The following SLC9A3 variants were observed in gnomAD, a reference collection of about 807,000 sequenced individuals.
SLC9A3 encodes sodium/hydrogen exchanger 3.
A neutral mutation model predicts 86.8 loss-of-function variants in SLC9A3; 37 were observed. That is an observed-to-expected ratio of 0.43 (90% CI 0.33 to 0.56). The LOEUF (loss-of-function observed/expected upper bound fraction) is 0.56. SLC9A3 is among the 20% of genes least tolerant of loss of function. The pLI, the probability that SLC9A3 is intolerant of heterozygous loss-of-function variation, is 0.06. For missense variants in SLC9A3, 1,011 were observed against 1,171.9 expected, an observed-to-expected ratio of 0.86 and a Z score of 2.00; for synonymous variants, 581 against 528.3, an observed-to-expected ratio of 1.10 and a Z score of -1.37.
In SLC9A3 at chr5:476,027, C is replaced by A; in HGVS notation, c.2133G>T (p.Lys711Asn). Residue 711 changes from lysine (K) to asparagine (N), a missense_variant, in exon 14 of 17, where the codon AAG becomes AAT. Around this residue, in one of 3 missense-constraint regions of SLC9A3, gnomAD observed 397 missense variants for 346.3 expected, o/e 1.15. Transcript: ENST00000264938. ...GCAGGGCCCCCAGCGCACCTTTCTC[C>A]TTGATGGTGAAATTCTGCGCAGGGC... ...MESPAQNFTI[K>N]EKDLELSDTE... 1.9e-6 allele frequency: 3 copies of A among 1,612,222 alleles called. No individual in the cohort carries two copies. The highest frequency in any genetic ancestry group is 2.5e-6 in the Non-Finnish European group (3 of 1,179,424).
At chr5:523,648 G>A (rs1185940403) in intron 1 of SLC9A3, among the ~76,000 whole-genome samples, 1 of 151,420 alleles carries the variant, frequency 6.6e-6, no homozygotes, top group Non-Finnish European at 1.5e-5. Flanking sequence ...GGAACGCTGC[G>A]CCTGTAGGGA....
chr5:500,511 TG>T, intron 1 of SLC9A3, among the ~76,000 whole-genome samples: 1 of 143,786 alleles, frequency 7.0e-6, no homozygotes. Flanking sequence ...CCAGTGTAGA[TG>T]GGGCCAGTGT....
chr5:476,768 G>A (rs1470002606), intron 11 of SLC9A3, 96 bp from the exon 12 acceptor site: 2 of 1,476,422 alleles, frequency 1.4e-6, no homozygotes, highest in Admixed American at 1.8e-5. Flanking sequence ...GGCCCTGGCT[G>A]CCTCCTGCGT....
At chr5:522,988 G>A (rs1733928206) in intron 1 of SLC9A3, among the ~76,000 whole-genome samples, 1 of 152,164 alleles carries the variant, frequency 6.6e-6, no homozygotes, top group Admixed American at 6.5e-5. Context: ...GACAGCCTGA[G>A]CCTGGAGAGC....
chr5:512,016 G>A (rs1733562414), intron 1 of SLC9A3, among the ~76,000 whole-genome samples: 2 of 152,348 alleles, frequency 1.3e-5, no homozygotes, highest in South Asian at 4.1e-4. Flanking sequence ...TGAGAAGGCT[G>A]CACGCTATAG....
chr5:487,926 C>A (rs1213499941), intron 3 of SLC9A3, among the ~76,000 whole-genome samples: 4 of 152,182 alleles, frequency 2.6e-5, no homozygotes, highest in African/African-American at 9.7e-5. Context: ...CCTCGGCCTC[C>A]CAAAGTGCTG....
At position 524,362 on chromosome 5, in the gene SLC9A3, G is replaced by C. The variant is rs1554001503; in HGVS notation, c.-40C>G. 1 of 955,182 alleles carries C rather than the reference G, an allele frequency of 1.0e-6. No homozygotes were observed. The highest frequency in any genetic ancestry group is 1.3e-6 in the Non-Finnish European group (1 of 754,972). The allele number at this position is 955,182 out of a possible 1,614,324, so 59.2% of individuals were successfully genotyped here. A position where few individuals can be genotyped will look rare whatever the true frequency, so the allele number is the denominator to read the frequency against. On this transcript the variant is annotated 5_prime_UTR_variant, in exon 1 of 17. Transcript: ENST00000264938. The stretch of plus-strand genomic sequence containing the variant: ...CGCAGGGCTGGGACGCGCATGTCGC[G>C]GGGGGTCCCGGCTGGGCTGGGCCGA...
rs1740034820 is a variant in SLC9A3, at chr5:496,696, C to G, written c.212-4625G>C. On this transcript the variant is annotated intron_variant, in intron 1 of 16. Coordinates refer to ENST00000264938, the MANE Select transcript of SLC9A3 (RefSeq NM_004174.4). This position sits in a 1 kb window ranked among gnomAD's most constrained non-coding sequence, Gnocchi z 4.7. ...TTGTGTTATACTTAACAAAGCCATT[C>G]CTGCTCATGTTTCCTGCTAAATTTT... Among the ~76,000 whole-genome samples, 1 of 152,104 alleles carries G rather than the reference C, an allele frequency of 6.6e-6. No individual in the cohort carries two copies. The highest frequency in any genetic ancestry group is 2.4e-5 in the African/African-American group (1 of 41,398).
chr5:485,859 G>A (rs1739437758), intron 3 of SLC9A3, among the ~76,000 whole-genome samples: 2 of 152,306 alleles, frequency 1.3e-5, no homozygotes, highest in Admixed American at 1.3e-4. Flanking sequence ...GCTGGGGTGG[G>A]GGGCCCATGA....
chr5:477,463 C>A lies in SLC9A3; in HGVS notation c.1648-19G>T. On this transcript the variant is annotated intron_variant, in intron 10 of 16. Coordinates refer to ENST00000264938, the MANE Select transcript of SLC9A3 (RefSeq NM_004174.4). ...GCTCTCCCTGTGGTCAGGAAGCAGC[C>A]CGGTCAGTGGCCTGAGCAGCCAAGC... 1 of 1,585,642 alleles carries A rather than the reference C, an allele frequency of 6.3e-7. No homozygotes were observed. The highest frequency in any genetic ancestry group is 2.2e-5 in the East Asian group (1 of 44,490).
rs757493997 is a variant in SLC9A3 at position 474,998 on chromosome 5, C to G, written c.2386G>C (p.Gly796Arg). 3 of 1,612,202 alleles carry G rather than the reference C, an allele frequency of 1.9e-6. No individual in the cohort carries two copies. Among genetic ancestry groups the G allele is most frequent in the East Asian group, 2.2e-5 (1 of 44,848 alleles). ...RARTQIPYSP[G>R]TFCRLMPFRL... ...AAGGGCATCAGGCGGCAGAAGGTGCCGGGAGAGTAGGGAATCTGCGTGCGG... is the reference window on the plus strand; with the variant it reads ...AAGGGCATCAGGCGGCAGAAGGTGCGGGGAGAGTAGGGAATCTGCGTGCGG... The change falls in exon 16 of 17, where the codon GGC becomes CGC. Residue 796 changes from glycine to arginine, a missense_variant. By Grantham distance (125) the Gly-to-Arg change is moderately radical. Coordinates refer to ENST00000264938, the MANE Select transcript of SLC9A3 (RefSeq NM_004174.4).
chr5:483,402 G>C lies in SLC9A3; in HGVS notation c.1013C>G (p.Thr338Ser). The stretch of plus-strand genomic sequence containing the variant: ...GGCGCTGCTGGCCAGCATCTTCATG[G>C]TGTAGCGCACGGTGGTGGCCGACTG... ...SEQSATTVRY[T>S]MKMLASSAET... is the part of the protein sequence containing the mutation. The change falls in exon 6 of 17, where the codon ACC becomes AGC. Residue 338 changes from threonine to serine, a missense_variant. By Grantham distance (58) the Thr-to-Ser change is moderately conservative. Transcript: ENST00000264938. 6.3e-7 allele frequency: 1 copy of C among 1,580,724 alleles called. No individual in the cohort carries two copies. The highest frequency in any genetic ancestry group is 8.6e-7 in the Non-Finnish European group (1 of 1,163,788).
In SLC9A3 at chr5:491,739, C is replaced by A. The variant is rs1560960822; in HGVS notation, c.514+30G>T. 1 of 1,485,570 alleles carries A rather than the reference C, an allele frequency of 6.7e-7. No homozygotes were observed. The highest frequency in any genetic ancestry group is 2.5e-5 in the East Asian group (1 of 40,246). The allele number at this position is 1,485,570 out of a possible 1,614,324, so 92.0% of individuals were successfully genotyped here. On this transcript the variant is annotated intron_variant, in intron 2 of 16. Transcript: ENST00000264938. This position sits in a 1 kb window ranked among gnomAD's most constrained non-coding sequence, Gnocchi z 9.2. ...GCCCCTCCCGGACCCCACCCTGATC[C>A]CGGCCGGGGCAACAGTGGCGCAGAC...
chr5:501,628 C>G (rs958638157), intron 1 of SLC9A3, among the ~76,000 whole-genome samples: 7 of 152,230 alleles, frequency 4.6e-5, no homozygotes, highest in African/African-American at 1.7e-4. Flanking sequence ...ACCCTGTTCT[C>G]CTAGCACAGC....
chr5:488,092 T>C (rs1471938257), intron 3 of SLC9A3, among the ~76,000 whole-genome samples: 1 of 151,800 alleles, frequency 6.6e-6, no homozygotes, highest in Admixed American at 6.6e-5. Context: ...AGCTATGGAG[T>C]GGGCGGGCAG....
intron 1 of SLC9A3, 40 bp downstream of exon 1, chr5:524,072 A>G: frequency 7.3e-7 from 1 of 1,371,698 alleles, no homozygotes; most frequent in South Asian, 1.4e-5. Flanking sequence ...AGGCGGCCGC[A>G]CACCCCGCGG....
intron 2 of SLC9A3, among the ~76,000 whole-genome samples, chr5:490,671 G>A (rs565813906): frequency 3.3e-5 from 5 of 152,190 alleles, no homozygotes; most frequent in Admixed American, 1.3e-4. Context: ...TGTGAGCCTC[G>A]AGGGGCCGCG....
At chr5:490,046 G>A (rs990118024) in intron 2 of SLC9A3, among the ~76,000 whole-genome samples, 2 of 152,212 alleles carry the variant, frequency 1.3e-5, no homozygotes, top group African/African-American at 2.4e-5. Context: ...CGCTCCACAG[G>A]GCTTGGCCTC....
chr5:484,691 A>G lies in SLC9A3; in HGVS notation c.761T>C (p.Phe254Ser), dbSNP rs774222030. Residue 254 changes from phenylalanine to serine, a missense_variant, in exon 5 of 17, where the codon TTC (phenylalanine) becomes TCC (serine). Coordinates refer to ENST00000264938, the MANE Select transcript of SLC9A3 (RefSeq NM_004174.4). The part of the protein sequence containing the change: ...GVDCVKGIVS[F>S]FVVSLGGTLV... ...CGTGCCCCCCAGGCTCACCACGAAG[A>G]AGGACACTGGGTAGAGGACGCCCTT... is the stretch of plus-strand genomic sequence containing the variant. 3 of 1,612,946 alleles carry G rather than the reference A, an allele frequency of 1.9e-6. No homozygotes were observed. Among genetic ancestry groups the G allele is most frequent in the Non-Finnish European group, 2.5e-6 (3 of 1,179,924 alleles).
Sources: allele counts gnomAD v4.1 joint callset (sites outside exome capture counted in the v4.1 genomes callset), GRCh38; gene constraint gnomAD v4.1.1; regional missense constraint gnomAD v4.1.1; non-coding constraint Gnocchi (gnomAD v3.1); transcripts MANE v1.5; gene names NCBI Gene and HGNC (gene_info 2026-07-23, HGNC 2026-07-21).